Variants in LDLRAD4 observed in about 807,000 individuals in gnomAD.
LDLRAD4 encodes the protein low density lipoprotein receptor class A domain containing 4.
Under a neutral mutation model 17.0 loss-of-function variants are expected in LDLRAD4, and 5 were observed. The ratio of observed to expected loss-of-function variants is 0.29; its 90% CI spans 0.15 to 0.62. The LOEUF (loss-of-function observed/expected upper bound fraction) is 0.62, where lower values mean the gene tolerates loss of function less well. LDLRAD4 is among the 20% of genes least tolerant of loss of function. The pLI is 0.84. For synonymous variants in LDLRAD4, 168 were observed against 171.8 expected (o/e 0.98, Z 0.17); for missense variants, 340 against 424.7 (o/e 0.80, Z 1.75).
intron 1 of LDLRAD4, among the ~76,000 whole-genome samples, chr18:13,262,549 T>C (rs76950945): frequency 1.8e-3 from 151 of 86,140 alleles, no homozygotes; most frequent in African/African-American, 5.0e-3. Context: ...CCCGTGCGGC[T>C]CTGTGCGTGG....
chr18:13,435,375 T>TAA, intron 2 of LDLRAD4, among the ~76,000 whole-genome samples: 1 of 152,256 alleles, frequency 6.6e-6, no homozygotes, highest in South Asian at 2.1e-4. Flanking sequence ...GGCCATGTGA[T>TAA]GGAAAGACCT....
At chr18:13,428,939 G>A (rs767571468) in intron 2 of LDLRAD4, among the ~76,000 whole-genome samples, 2 of 152,158 alleles carry the variant, frequency 1.3e-5, no homozygotes, top group Non-Finnish European at 2.9e-5. Flanking sequence ...GGGGTCTAGG[G>A]CAAGGTGGAA....
intron 3 of LDLRAD4, among the ~76,000 whole-genome samples, chr18:13,446,749 A>T (rs2091434188): frequency 6.6e-6 from 1 of 152,150 alleles, no homozygotes; most frequent in Non-Finnish European, 1.5e-5. Context: ...TGCCATCACC[A>T]TCCCCGCTTC....
At chr18:13,391,785 G>C (rs1438985073) in intron 2 of LDLRAD4, among the ~76,000 whole-genome samples, 2 of 152,126 alleles carry the variant, frequency 1.3e-5, no homozygotes, top group Non-Finnish European at 2.9e-5. Context: ...TCTTCCTACA[G>C]AACTGTGTTC....
chr18:13,512,959 A>T (rs1351628127), intron 3 of LDLRAD4, among the ~76,000 whole-genome samples: 2 of 152,230 alleles, frequency 1.3e-5, no homozygotes, highest in African/African-American at 2.4e-5. Context: ...GACTTCGGAG[A>T]TTGTCTCTGA....
intron 3 of LDLRAD4, among the ~76,000 whole-genome samples, chr18:13,606,335 C>T (rs536525660): frequency 6.6e-6 from 1 of 152,298 alleles, no homozygotes; most frequent in Admixed American, 6.5e-5. Flanking sequence ...CGCTTAGTAG[C>T]ATAGATAATG....
At chr18:13,445,594 A>G (rs556415155) in intron 3 of LDLRAD4, among the ~76,000 whole-genome samples, 35 of 150,182 alleles carry the variant, frequency 2.3e-4, no homozygotes, top group South Asian at 4.2e-4. Context: ...GTGAGGGTCT[A>G]TGGTACATGT....
intron 1 of LDLRAD4, among the ~76,000 whole-genome samples, chr18:13,369,468 T>G (rs1164490437): frequency 6.6e-6 from 1 of 152,048 alleles, no homozygotes; most frequent in Non-Finnish European, 1.5e-5. Flanking sequence ...AGGGGCACTG[T>G]GGGCGTCTGC....
At chr18:13,509,715 T>A (rs773356668) in intron 3 of LDLRAD4, among the ~76,000 whole-genome samples, 2 of 152,238 alleles carry the variant, frequency 1.3e-5, no homozygotes, top group Non-Finnish European at 2.9e-5. Context: ...TCAAATAGCA[T>A]TGCATGTACA....
chr18:13,560,787 G>A (rs1052604041), intron 3 of LDLRAD4, among the ~76,000 whole-genome samples: 2 of 152,204 alleles, frequency 1.3e-5, no homozygotes, highest in East Asian at 3.8e-4. Context: ...AACATCAAGT[G>A]TCCATGAAGC....
At chr18:13,476,405 G>A (rs531909000) in intron 3 of LDLRAD4, among the ~76,000 whole-genome samples, 6 of 152,104 alleles carry the variant, frequency 3.9e-5, no homozygotes, top group East Asian at 3.9e-4. Flanking sequence ...CAGGAGGATC[G>A]CTTGAGTCCA....
chr18:13,257,880 T>C (rs930521232), intron 1 of LDLRAD4, among the ~76,000 whole-genome samples: 1 of 152,124 alleles, frequency 6.6e-6, no homozygotes, highest in Non-Finnish European at 1.5e-5. Flanking sequence ...AGTGGTAGTT[T>C]GGATAGATGG....
chr18:13,279,183 G>A (rs1689840494), intron 1 of LDLRAD4, among the ~76,000 whole-genome samples: 1 of 152,164 alleles, frequency 6.6e-6, no homozygotes, highest in Non-Finnish European at 1.5e-5. Context: ...AAGAGCTCAC[G>A]GGGAACACCC....
At chr18:13,326,144 G>A (rs1194022682) in intron 1 of LDLRAD4, among the ~76,000 whole-genome samples, 3 of 152,090 alleles carry the variant, frequency 2.0e-5, no homozygotes, top group Admixed American at 6.5e-5. Context: ...AATTGTTGAC[G>A]TTTATTAAGC....
At chr18:13,321,632 G>C (rs775468506) in intron 1 of LDLRAD4, among the ~76,000 whole-genome samples, 2 of 152,064 alleles carry the variant, frequency 1.3e-5, no homozygotes, top group Non-Finnish European at 2.9e-5. Context: ...TTGGGAGGTC[G>C]AGGCGGGTGG....
chr18:13,645,077 G>A lies in LDLRAD4; in HGVS notation c.391-50G>A, dbSNP rs1235902331. ...TTTCCTTGATTCTGACACATTTATGGTCATCATTGCGCTCAAACTGTCTTC... is the reference window on the plus strand; with the variant it reads ...TTTCCTTGATTCTGACACATTTATGATCATCATTGCGCTCAAACTGTCTTC... On this transcript the variant is annotated intron_variant, in intron 5 of 5. Coordinates refer to ENST00000359446, the Ensembl canonical transcript of LDLRAD4. This position sits in a 1 kb window ranked among gnomAD's most constrained non-coding sequence, Gnocchi z 5.7. 6.8e-7 allele frequency: 1 copy of A among 1,472,636 alleles called. No homozygotes were observed. Among genetic ancestry groups the A allele is most frequent in the East Asian group, 2.3e-5 (1 of 43,916 alleles). The allele number at this position is 1,472,636 out of a possible 1,614,324, so 91.2% of individuals were successfully genotyped here.
At chr18:13,265,109 C>G (rs2044142719) in intron 1 of LDLRAD4, among the ~76,000 whole-genome samples, 1 of 152,172 alleles carries the variant, frequency 6.6e-6, no homozygotes, top group South Asian at 2.1e-4. Flanking sequence ...CCACATGGCT[C>G]CTTTCCTCCC....
chr18:13,564,506 C>T (rs1254998897), intron 3 of LDLRAD4, among the ~76,000 whole-genome samples: 2 of 150,786 alleles, frequency 1.3e-5, no homozygotes, highest in East Asian at 3.9e-4. Flanking sequence ...GAGAACCTTT[C>T]CTCGCCTCAC....
chr18:13,614,764 C>G (rs1258702339), intron 3 of LDLRAD4: 2 of 152,230 alleles, frequency 1.3e-5, no homozygotes, highest in Non-Finnish European at 2.9e-5. Flanking sequence ...CGCCCGGTCT[C>G]TGGAGGATCT....
Sources: allele counts gnomAD v4.1 joint callset (sites outside exome capture counted in the v4.1 genomes callset), GRCh38; gene constraint gnomAD v4.1.1; non-coding constraint Gnocchi (gnomAD v3.1); transcripts MANE v1.5; gene names NCBI Gene and HGNC (gene_info 2026-07-23, HGNC 2026-07-21).